The following KAT14 variants were observed in gnomAD, a reference collection of about 807,000 sequenced individuals.
The protein encoded by KAT14 is lysine acetyltransferase 14.
In KAT14, 66 loss-of-function variants were observed where a neutral mutation model predicts 78.4. That is an observed-to-expected ratio of 0.84 (90% confidence interval 0.69 to 1.03). KAT14 has a LOEUF of 1.03. KAT14 is among the 50% of genes least tolerant of loss of function. KAT14 has a pLI of 0.00. For missense variants in KAT14, 870 were observed against 972.5 expected (o/e 0.89, Z 1.40); for synonymous variants, 344 against 359.4 (o/e 0.96, Z 0.48).
At chr20:18,149,515 T>C (rs1389007102) in intron 3 of KAT14, among the ~76,000 whole-genome samples, 1 of 152,202 alleles carries the variant, frequency 6.6e-6, no homozygotes, top group Non-Finnish European at 1.5e-5. Flanking sequence ...ATGGGGGAAA[T>C]TGAAACTTGG....
At position 18,152,925 on chromosome 20, in the gene KAT14, T is replaced by C. The variant is rs369957088; in HGVS notation, c.500+1983T>C. On this transcript the variant is annotated intron_variant, in intron 4 of 10. Transcript: ENST00000688188. ...CCGATGCACAGACCTTGCGACCATA[T>C]ATTTTCACTAAATGTCCACGTGGAT... is the stretch of plus-strand genomic sequence containing the variant. Among the ~76,000 whole-genome samples, 52 of 152,314 alleles carry C rather than the reference T, an allele frequency of 3.4e-4. 1 individual carries two copies. The South Asian group carries it at 0.011, about 32-fold the overall frequency.
intron 10 of KAT14, among the ~76,000 whole-genome samples, chr20:18,185,387 G>T (rs1391270884): frequency 6.6e-6 from 1 of 151,936 alleles, no homozygotes; most frequent in Admixed American, 6.6e-5. Flanking sequence ...TTTTTTGTAG[G>T]GACAGGGTCT....
At chr20:18,184,384 C>T (rs1416954219) in intron 9 of KAT14, among the ~76,000 whole-genome samples, 1 of 152,034 alleles carries the variant, frequency 6.6e-6, no homozygotes, top group Admixed American at 6.6e-5. Flanking sequence ...TATTCTGCCA[C>T]TCTTCTTTTA....
At chr20:18,158,856 T>TATTATCCTGATTTTACAGATGAACAAAC (rs2038313774) in intron 4 of KAT14, among the ~76,000 whole-genome samples, 3 of 152,198 alleles carry the variant, frequency 2.0e-5, no homozygotes, top group Admixed American at 1.3e-4. Context: ...AGGTAAGTTC[T>TATTATCCTGATTTTACAGATGAACAAAC]ATTATCCTGA....
chr20:18,144,386 C>A (rs1487308548), intron 2 of KAT14, among the ~76,000 whole-genome samples: 1 of 152,190 alleles, frequency 6.6e-6, no homozygotes, highest in Non-Finnish European at 1.5e-5. Context: ...GATTCCCACA[C>A]AACTTTGCAG....
chr20:18,157,493 G>A (rs140826691), intron 4 of KAT14, among the ~76,000 whole-genome samples: 348 of 152,288 alleles, frequency 2.3e-3, no homozygotes, highest in Middle Eastern at 6.8e-3. Context: ...CCAGTTCCAA[G>A]TGTACAGTTC....
intron 3 of KAT14, among the ~76,000 whole-genome samples, chr20:18,150,127 T>G (rs1600219676): frequency 6.6e-6 from 1 of 152,172 alleles, no homozygotes; most frequent in Non-Finnish European, 1.5e-5. Context: ...TAGATTAGAT[T>G]AGGAGTTTGC....
chr20:18,138,763 C>T (rs6034985), intron 1 of KAT14, among the ~76,000 whole-genome samples: 55,155 of 151,772 alleles, frequency 0.36, 10,305 homozygotes, highest in East Asian at 0.54. Flanking sequence ...ACTATTCTGT[C>T]CTCTCAGTTC....
chr20:18,174,218 T>A (rs2038954256), intron 7 of KAT14, among the ~76,000 whole-genome samples: 1 of 152,256 alleles, frequency 6.6e-6, no homozygotes, highest in African/African-American at 2.4e-5. Flanking sequence ...ATTCATCAGT[T>A]GATGGACTTT....
chr20:18,187,511 G>A lies in KAT14; in HGVS notation c.*52G>A, dbSNP rs2146555482. Reference sequence around the variant, plus strand: ...ATGTGCTATTGGAGAACAGGTCTTTGTGGAGATCTAAAGGCAGTGATTGAT... The same window carrying A: ...ATGTGCTATTGGAGAACAGGTCTTTATGGAGATCTAAAGGCAGTGATTGAT... On this transcript the variant is annotated 3_prime_UTR_variant, in exon 11 of 11. Coordinates refer to ENST00000688188, the MANE Select transcript of KAT14 (RefSeq NM_001392073.1). The A allele has an allele frequency of 6.2e-7, 1 of 1,607,830 alleles. No homozygotes were observed. Among genetic ancestry groups the A allele is most frequent in the East Asian group, 2.2e-5 (1 of 44,610 alleles).
At chr20:18,169,805 A>T (rs1437320462) in intron 7 of KAT14, among the ~76,000 whole-genome samples, 2 of 152,274 alleles carry the variant, frequency 1.3e-5, no homozygotes, top group Non-Finnish European at 2.9e-5. Flanking sequence ...TGTGCCAAAC[A>T]ATTAGCCAAG....
intron 3 of KAT14, 143 bp from the exon 4 acceptor site, chr20:18,150,678 A>G (rs898803227): frequency 5.9e-6 from 8 of 1,351,394 alleles, no homozygotes; most frequent in Non-Finnish European, 8.1e-6. Flanking sequence ...CCCTGGGAAT[A>G]TTCCAAGATA....
intron 1 of KAT14, among the ~76,000 whole-genome samples, chr20:18,141,708 AC>A (rs2037589698): frequency 1.3e-5 from 2 of 151,938 alleles, no homozygotes; most frequent in East Asian, 3.9e-4. Flanking sequence ...ACGTGGTGAA[AC>A]CCCGTCTCTA....
intron 2 of KAT14, 121 bp from the exon 3 acceptor site, chr20:18,145,112 G>T: frequency 7.0e-7 from 1 of 1,433,750 alleles, no homozygotes. Flanking sequence ...TTGCAATTGT[G>T]GGTTGGCTGA....
At chr20:18,184,922 GA>G in intron 10 of KAT14, 130 bp downstream of exon 10, 1 of 970,848 alleles carries the variant, frequency 1.0e-6, no homozygotes, top group Non-Finnish European at 1.4e-6. Flanking sequence ...ACCAAGTGAA[GA>G]AAGCCAGTCA....
intron 3 of KAT14, among the ~76,000 whole-genome samples, chr20:18,147,727 G>C (rs921060037): frequency 6.6e-6 from 1 of 152,164 alleles, no homozygotes; most frequent in Non-Finnish European, 1.5e-5. Context: ...TGGGATTACA[G>C]GCATGTGCCA....
intron 7 of KAT14, among the ~76,000 whole-genome samples, chr20:18,175,980 C>T (rs1179217998): frequency 1.4e-5 from 2 of 140,864 alleles, no homozygotes; most frequent in East Asian, 2.2e-4. Flanking sequence ...TGCACTCCAG[C>T]GTGGGCAACT....
At chr20:18,149,373 T>C (rs2099895264) in intron 3 of KAT14, among the ~76,000 whole-genome samples, 2 of 152,302 alleles carry the variant, frequency 1.3e-5, no homozygotes, top group South Asian at 4.1e-4. Context: ...TTCCCATGAA[T>C]ATTGATTGTT....
intron 2 of KAT14, 99 bp from the exon 3 acceptor site, chr20:18,145,134 C>A: frequency 2.7e-6 from 4 of 1,474,026 alleles, no homozygotes; most frequent in Non-Finnish European, 3.6e-6. Context: ...GAAAAGAAGA[C>A]AACATGGGAA....
Sources: allele counts gnomAD v4.1 joint callset (sites outside exome capture counted in the v4.1 genomes callset), GRCh38; gene constraint gnomAD v4.1.1; transcripts MANE v1.5; gene names NCBI Gene and HGNC (gene_info 2026-07-23, HGNC 2026-07-21).